ARHGAP26: variants seen among roughly 807,000 people sequenced by gnomAD.
ARHGAP26 encodes the protein rho GTPase-activating protein 26.
Under a neutral mutation model 104.8 loss-of-function variants are expected in ARHGAP26, and 38 were observed. The observed-to-expected ratio is 0.36, with a 90% confidence interval of 0.28 to 0.48. ARHGAP26 has a LOEUF of 0.48. ARHGAP26 is among the 20% of genes least tolerant of loss of function. ARHGAP26 has a pLI of 0.99. For missense variants in ARHGAP26, 704 were observed against 947.9 expected (o/e 0.74, Z 3.38); for synonymous variants, 341 against 340.0 (o/e 1.00, Z -0.03).
At chr5:142,957,312 C>T (rs983406745) in intron 11 of ARHGAP26, among the ~76,000 whole-genome samples, 1 of 152,180 alleles carries the variant, frequency 6.6e-6, no homozygotes, top group Non-Finnish European at 1.5e-5. Context: ...CTCTCATCAG[C>T]ACTTAGTCTT....
chr5:142,907,847 A>C (rs1598186331), intron 9 of ARHGAP26, 43 bp downstream of exon 9: 2 of 1,403,468 alleles, frequency 1.4e-6, no homozygotes, highest in East Asian at 4.6e-5. Context: ...TGCTTGGCTA[A>C]CATATAATGA....
intron 1 of ARHGAP26, among the ~76,000 whole-genome samples, chr5:142,783,706 C>T (rs1757975461): frequency 6.6e-6 from 1 of 152,212 alleles, no homozygotes; most frequent in Non-Finnish European, 1.5e-5. Context: ...TCAGCTGGTT[C>T]TCACCCTTTT....
chr5:143,017,034 C>G (rs1237619162), intron 12 of ARHGAP26, among the ~76,000 whole-genome samples: 2 of 152,184 alleles, frequency 1.3e-5, no homozygotes, highest in Admixed American at 1.3e-4. Context: ...AATCTAAACT[C>G]TTTTAAAGAT....
intron 20 of ARHGAP26, among the ~76,000 whole-genome samples, chr5:143,175,853 C>T (rs1803403978): frequency 6.6e-6 from 1 of 152,202 alleles, no homozygotes; most frequent in African/African-American, 2.4e-5. Context: ...GTGGCTCACG[C>T]CTGTAATCCC....
At chr5:142,841,600 G>C (rs1408204805) in intron 1 of ARHGAP26, among the ~76,000 whole-genome samples, 1 of 152,216 alleles carries the variant, frequency 6.6e-6, no homozygotes, top group South Asian at 2.1e-4. Context: ...CCCCAGGTCT[G>C]ATGGAAACTG....
Position 143,003,784 on chromosome 5 carries a change from ATTAC to A in ARHGAP26, c.1108-10292_1108-10289del, listed in dbSNP as rs142364270. ...TTCTGTTAATACTCTCATAAGTATT[ATTAC>A]TTAGCTCTACTTTGCAATGAGAAAG... On this transcript the variant is annotated intron_variant, in intron 11 of 22. Transcript: ENST00000645722. 7.1e-3 allele frequency among the ~76,000 whole-genome samples: 1,082 copies of A among 152,312 alleles called. 17 individuals are homozygous for A. Among genetic ancestry groups the A allele is most frequent in the African/African-American group, 0.025 (1,042 of 41,544 alleles).
At chr5:143,146,663 G>A (rs1315572751) in intron 19 of ARHGAP26, among the ~76,000 whole-genome samples, 1 of 152,234 alleles carries the variant, frequency 6.6e-6, no homozygotes, top group Non-Finnish European at 1.5e-5. Flanking sequence ...AGTACATGGA[G>A]CTAGAGGCAA....
chr5:142,948,141 A>C (rs866096260), intron 11 of ARHGAP26, among the ~76,000 whole-genome samples: 6 of 152,098 alleles, frequency 3.9e-5, no homozygotes, highest in Admixed American at 1.3e-4. Flanking sequence ...TGGCACTTTC[A>C]AGCGATTCAG....
chr5:143,171,553 C>T (rs971167169), intron 20 of ARHGAP26, among the ~76,000 whole-genome samples: 32 of 152,194 alleles, frequency 2.1e-4, no homozygotes, highest in Non-Finnish European at 4.6e-4. Context: ...CACCTCCTTA[C>T]TTCCCAAGTT....
At chr5:143,057,772 C>T in intron 17 of ARHGAP26, 25 bp downstream of exon 17, 2 of 1,577,126 alleles carry the variant, frequency 1.3e-6, no homozygotes, top group Non-Finnish European at 1.7e-6. Context: ...AATTACTAGC[C>T]TTTTTCTTAC....
chr5:143,216,961 A>G (rs1810434579), intron 22 of ARHGAP26, among the ~76,000 whole-genome samples: 1 of 152,200 alleles, frequency 6.6e-6, no homozygotes. Context: ...GAGGCATTAC[A>G]GAACACTATT....
At chr5:143,096,220 A>G (rs1164577289) in intron 17 of ARHGAP26, among the ~76,000 whole-genome samples, 1 of 152,246 alleles carries the variant, frequency 6.6e-6, no homozygotes, top group Non-Finnish European at 1.5e-5. Flanking sequence ...CAATGCAAAC[A>G]TATTACATCA....
intron 21 of ARHGAP26, among the ~76,000 whole-genome samples, chr5:143,208,636 G>A (rs561675805): frequency 2.6e-5 from 4 of 152,228 alleles, no homozygotes; most frequent in African/African-American, 9.6e-5. Flanking sequence ...CTAAATGAGA[G>A]CCAATCCAGA....
chr5:142,952,590 C>A (rs1598371118), intron 11 of ARHGAP26, among the ~76,000 whole-genome samples: 2 of 152,246 alleles, frequency 1.3e-5, no homozygotes, highest in African/African-American at 4.8e-5. Context: ...ATGGACCTGA[C>A]AGTTCTGTGG....
intron 1 of ARHGAP26, among the ~76,000 whole-genome samples, chr5:142,804,416 T>G (rs1236282144): frequency 6.6e-6 from 1 of 152,250 alleles, no homozygotes; most frequent in African/African-American, 2.4e-5. Flanking sequence ...ACTCACTCAT[T>G]GGCTCACTCA....
At chr5:143,202,111 A>G (rs528241991) in intron 20 of ARHGAP26, 2 of 152,324 alleles carry the variant, frequency 1.3e-5, no homozygotes, top group East Asian at 3.9e-4. Flanking sequence ...TATTAGGTAC[A>G]TATATATTTA....
chr5:143,171,160 C>T (rs1229684099), intron 20 of ARHGAP26, among the ~76,000 whole-genome samples: 1 of 152,216 alleles, frequency 6.6e-6, no homozygotes, highest in Non-Finnish European at 1.5e-5. Flanking sequence ...TTGCCAGGCA[C>T]TAGCCTAGGG....
At chr5:142,859,833 C>G (rs1032977675) in intron 1 of ARHGAP26, 1 of 152,258 alleles carries the variant, frequency 6.6e-6, no homozygotes, top group African/African-American at 2.4e-5. Context: ...AGGGAAATAA[C>G]ATGAGGAAGA....
intron 14 of ARHGAP26, among the ~76,000 whole-genome samples, chr5:143,044,576 G>A (rs1206473864): frequency 6.6e-6 from 1 of 151,878 alleles, no homozygotes; most frequent in Non-Finnish European, 1.5e-5. Flanking sequence ...GGGGATGTGG[G>A]GGATGGGGTG....
Sources: allele counts gnomAD v4.1 joint callset (sites outside exome capture counted in the v4.1 genomes callset), GRCh38; gene constraint gnomAD v4.1.1; transcripts MANE v1.5; gene names NCBI Gene and HGNC (gene_info 2026-07-23, HGNC 2026-07-21).